The following CDH13 variants were observed in gnomAD, a reference collection of about 807,000 sequenced individuals.
CDH13 encodes the protein cadherin 13.
Under a neutral mutation model 63.8 loss-of-function variants are expected in CDH13, and 24 were observed. The observed-to-expected ratio is 0.38, with a 90% CI of 0.27 to 0.53. CDH13 has a LOEUF of 0.53. Ranked by LOEUF, CDH13 falls within the 20% of genes least tolerant of loss-of-function variation. The pLI is 0.85. For synonymous variants in CDH13, 503 were observed against 355.3 expected (o/e 1.42, Z -4.67); for missense variants, 1,049 against 903.1 (o/e 1.16, Z -2.07).
intron 1 of CDH13, among the ~76,000 whole-genome samples, chr16:82,805,750 C>G (rs1018565071): frequency 1.3e-4 from 20 of 152,132 alleles, no homozygotes; most frequent in African/African-American, 4.6e-4. Context: ...TTAGGAGCAT[C>G]CAAGTTCCAT....
In CDH13 at chr16:83,408,751, T is replaced by C. The variant is rs1376333708; in HGVS notation, c.781+63745T>C. On this transcript the variant is annotated intron_variant, in intron 6 of 13. Transcript: ENST00000567109. ...GGCCTTGCTAAATGTAACCTTCAGTTAAAGCAAGTCAGCCTAGTGGAGGAT... is the reference window on the plus strand; with the variant it reads ...GGCCTTGCTAAATGTAACCTTCAGTCAAAGCAAGTCAGCCTAGTGGAGGAT... 4.6e-5 allele frequency among the ~76,000 whole-genome samples: 7 copies of C among 152,200 alleles called. No individual in the cohort carries two copies. The East Asian group carries it at 1.3e-3, about 29-fold the overall frequency.
At chr16:82,832,441 T>C (rs1354153273) in intron 1 of CDH13, among the ~76,000 whole-genome samples, 1 of 152,084 alleles carries the variant, frequency 6.6e-6, no homozygotes, top group Non-Finnish European at 1.5e-5. Context: ...TCCTCCTCCT[T>C]CTCTCCTTCC....
At chr16:83,152,188 T>A (rs185055466) in intron 4 of CDH13, among the ~76,000 whole-genome samples, 56 of 152,310 alleles carry the variant, frequency 3.7e-4, no homozygotes, top group African/African-American at 1.3e-3. Context: ...TCTTGCCACA[T>A]CTTTCTAAAA....
intron 1 of CDH13, among the ~76,000 whole-genome samples, chr16:82,676,423 C>T (rs1269009596): frequency 6.6e-6 from 1 of 151,430 alleles, no homozygotes; most frequent in Admixed American, 6.6e-5. Flanking sequence ...AATATCTCAG[C>T]AAGAATCCAT....
chr16:82,755,928 A>C (rs1362239093), intron 1 of CDH13, among the ~76,000 whole-genome samples: 1 of 152,212 alleles, frequency 6.6e-6, no homozygotes, highest in Non-Finnish European at 1.5e-5. Flanking sequence ...TGGAGCTCAG[A>C]GAGGGGCCAG....
At chr16:83,496,105 G>T (rs369297785) in intron 7 of CDH13, among the ~76,000 whole-genome samples, 2 of 151,768 alleles carry the variant, frequency 1.3e-5, no homozygotes, top group Non-Finnish European at 2.9e-5. Context: ...TACAGATTCA[G>T]TGCCATCCCC....
intron 5 of CDH13, among the ~76,000 whole-genome samples, chr16:83,256,603 G>T (rs1375777323): frequency 6.6e-6 from 1 of 150,808 alleles, no homozygotes; most frequent in Admixed American, 6.6e-5. Context: ...AGGCTGAGGC[G>T]GGCGAATCAC....
At chr16:83,429,614 C>G (rs547677374) in intron 6 of CDH13, among the ~76,000 whole-genome samples, 5 of 152,166 alleles carry the variant, frequency 3.3e-5, no homozygotes, top group African/African-American at 9.6e-5. Flanking sequence ...GGTCTCCAGC[C>G]AAACAACCTA....
At chr16:83,531,794 G>A (rs1002196309) in intron 7 of CDH13, among the ~76,000 whole-genome samples, 3 of 152,140 alleles carry the variant, frequency 2.0e-5, no homozygotes, top group South Asian at 2.1e-4. Context: ...CTTAATTTTA[G>A]CACAGTGAAA....
intron 7 of CDH13, among the ~76,000 whole-genome samples, chr16:83,514,070 C>T (rs2074641095): frequency 6.6e-6 from 1 of 152,062 alleles, no homozygotes; most frequent in Admixed American, 6.5e-5. Flanking sequence ...ACAACCTGGA[C>T]GTAGTGTCCA....
At chr16:82,639,930 A>T (rs1011854334) in intron 1 of CDH13, among the ~76,000 whole-genome samples, 1 of 152,202 alleles carries the variant, frequency 6.6e-6, no homozygotes, top group Admixed American at 6.5e-5. Flanking sequence ...CTATCTGTGC[A>T]TTCCCTATTT....
At chr16:83,295,604 C>G (rs1032691405) in intron 5 of CDH13, among the ~76,000 whole-genome samples, 3 of 139,502 alleles carry the variant, frequency 2.2e-5, no homozygotes, top group Non-Finnish European at 3.4e-5. Context: ...AATAGAAATG[C>G]AAATTAAAAC....
chr16:83,661,281 A>T (rs534025232), intron 8 of CDH13, among the ~76,000 whole-genome samples: 1 of 152,268 alleles, frequency 6.6e-6, no homozygotes, highest in Non-Finnish European at 1.5e-5. Context: ...GAGCCCAGGC[A>T]TTCGAGGCCA....
At chr16:83,651,221 C>G (rs1372583952) in intron 8 of CDH13, among the ~76,000 whole-genome samples, 1 of 152,178 alleles carries the variant, frequency 6.6e-6, no homozygotes, top group Non-Finnish European at 1.5e-5. Context: ...TAGTGAGAGA[C>G]TAGGGTACTG....
intron 4 of CDH13, among the ~76,000 whole-genome samples, chr16:83,164,038 C>A (rs1315136417): frequency 6.6e-6 from 1 of 152,122 alleles, no homozygotes; most frequent in African/African-American, 2.4e-5. Context: ...ATAAAAAAGA[C>A]ATAGTTGTTA....
chr16:82,828,313 A>G (rs2038352684), intron 1 of CDH13, among the ~76,000 whole-genome samples: 1 of 152,238 alleles, frequency 6.6e-6, no homozygotes, highest in Admixed American at 6.5e-5. Flanking sequence ...GATTCAATGA[A>G]CTATGGATCA....
intron 1 of CDH13, chr16:82,722,930 T>G (rs1480796556): frequency 6.6e-6 from 1 of 152,238 alleles, no homozygotes; most frequent in African/African-American, 2.4e-5. Context: ...GGCACATGTT[T>G]TCTCACATTT....
chr16:83,087,026 C>G (rs2033635332), intron 3 of CDH13, among the ~76,000 whole-genome samples: 1 of 152,166 alleles, frequency 6.6e-6, no homozygotes, highest in Non-Finnish European at 1.5e-5. Flanking sequence ...CTTTGGCGGA[C>G]TAAGGCTACC....
At chr16:83,609,509 T>C (rs1051567386) in intron 8 of CDH13, among the ~76,000 whole-genome samples, 3 of 152,256 alleles carry the variant, frequency 2.0e-5, no homozygotes, top group Admixed American at 6.5e-5. Flanking sequence ...TTTAAATCTT[T>C]TTCCAATGTG....
Sources: allele counts gnomAD v4.1 joint callset (sites outside exome capture counted in the v4.1 genomes callset), GRCh38; gene constraint gnomAD v4.1.1; transcripts MANE v1.5; gene names NCBI Gene and HGNC (gene_info 2026-07-23, HGNC 2026-07-21).